The following SUZ12 variants were observed in gnomAD, a reference collection of about 807,000 sequenced individuals.
The protein encoded by SUZ12 is polycomb protein SUZ12.
A neutral mutation model predicts 87.3 loss-of-function variants in SUZ12; 17 were observed. The observed-to-expected ratio is 0.19, with a 90% confidence interval of 0.13 to 0.29. SUZ12 has a LOEUF of 0.29. Among genes scored for constraint, SUZ12 ranks in the 10% least tolerant of loss-of-function variants. The probability of loss-of-function intolerance (pLI) is 1.00; values close to 1 mark genes in which losing one functional copy is unlikely to be tolerated. For missense variants in SUZ12, 526 were observed against 912.2 expected, an observed-to-expected ratio of 0.58 and a Z score of 5.45; for synonymous variants, 253 against 312.4, an observed-to-expected ratio of 0.81 and a Z score of 2.01.
At chr17:31,979,462 A>G (rs1908968824) in intron 8 of SUZ12, among the ~76,000 whole-genome samples, 1 of 152,148 alleles carries the variant, frequency 6.6e-6, no homozygotes, top group South Asian at 2.1e-4. Flanking sequence ...GCTAGATGTC[A>G]TAGTTCTTCA....
chr17:31,984,824 G>T (rs141881902), intron 9 of SUZ12, among the ~76,000 whole-genome samples: 1 of 152,192 alleles, frequency 6.6e-6, no homozygotes, highest in African/African-American at 2.4e-5. Context: ...TTTTAGGGAC[G>T]TGAGGACACA....
intron 9 of SUZ12, among the ~76,000 whole-genome samples, chr17:31,986,073 A>G (rs1598182413): frequency 6.6e-6 from 1 of 152,118 alleles, no homozygotes; most frequent in Middle Eastern, 3.4e-3. Context: ...GGTTCAAGCA[A>G]TTCTCTTGCC....
chr17:31,952,643 A>G (rs575254983), intron 4 of SUZ12, among the ~76,000 whole-genome samples: 2 of 151,678 alleles, frequency 1.3e-5, no homozygotes, highest in East Asian at 1.9e-4. Flanking sequence ...GCTTACTGCA[A>G]CCTCCTCTTC....
intron 6 of SUZ12, 45 bp downstream of exon 6, chr17:31,973,276 G>A (rs1239419568): frequency 1.5e-6 from 2 of 1,310,126 alleles, no homozygotes; most frequent in Non-Finnish European, 2.1e-6. Context: ...GGAATAATTT[G>A]CTTAATTGGA....
chr17:31,966,393 G>C, intron 5 of SUZ12, 197 bp downstream of exon 5: 1 of 548,888 alleles, frequency 1.8e-6, no homozygotes, highest in Non-Finnish European at 3.3e-6. Flanking sequence ...CAGAGTGAAG[G>C]CTGGAGTGCA....
intron 3 of SUZ12, among the ~76,000 whole-genome samples, chr17:31,944,771 C>T (rs1219862625): frequency 1.3e-5 from 2 of 152,026 alleles, no homozygotes; most frequent in African/African-American, 4.8e-5. Context: ...CTTAACCTTA[C>T]GTAATTATGA....
intron 6 of SUZ12, among the ~76,000 whole-genome samples, chr17:31,973,786 G>A (rs1234837583): frequency 2.6e-5 from 4 of 152,154 alleles, no homozygotes; most frequent in African/African-American, 7.2e-5. Flanking sequence ...TCAAGTCCTC[G>A]AGTGTTTCAA....
chr17:31,981,323 A>G (rs1598178496), intron 8 of SUZ12, among the ~76,000 whole-genome samples: 1 of 152,342 alleles, frequency 6.6e-6, no homozygotes, highest in Middle Eastern at 3.4e-3. Flanking sequence ...AAATAGATAC[A>G]TATGGTTCTT....
At chr17:31,993,766 C>G (rs957477182) in intron 11 of SUZ12, 99 bp from the exon 12 acceptor site, 7 of 1,226,522 alleles carry the variant, frequency 5.7e-6, no homozygotes, top group Non-Finnish European at 7.9e-6. Flanking sequence ...TTTGATTTTC[C>G]GCTTAAATTT....
At chr17:31,994,255 T>TAA in intron 12 of SUZ12, 1 of 455,484 alleles carries the variant, frequency 2.2e-6, no homozygotes, top group East Asian at 3.6e-5. Context: ...GAATTATAAT[T>TAA]AATGTTTGTG....
At chr17:31,966,724 A>G (rs1471276037) in intron 5 of SUZ12, 2 of 152,420 alleles carry the variant, frequency 1.3e-5, no homozygotes, top group African/African-American at 2.4e-5. Context: ...TTTTGAATTA[A>G]TGATACTGTA....
At position 31,937,331 on chromosome 17, in the gene SUZ12, G is replaced by C. The variant is rs1225019828; in HGVS notation, c.85G>C (p.Ala29Pro). The C allele has an allele frequency of 1.4e-6, 2 of 1,467,860 alleles. No individual in the cohort carries two copies. Among genetic ancestry groups the C allele is most frequent in the African/African-American group, 1.5e-5 (1 of 67,724 alleles). The allele number at this position is 1,467,860 out of a possible 1,614,324, so 90.9% of individuals were successfully genotyped here. ...CGGGGGAGGCGGCTTCGGGGGTTCG[G>C]CGGCGGTGGCGGCGGCGACGGCTTC... ...GSGGGGFGGSAAVAAATASGG... is the reference protein window; with the variant it reads ...GSGGGGFGGSPAVAAATASGG... Residue 29 changes from alanine (A) to proline (P), a missense_variant, in exon 1 of 16, where the codon GCG becomes CCG. This residue lies in a region of SUZ12 where 92 missense variants were observed against 109.9 expected (regional missense o/e 0.84). Transcript: ENST00000322652.
chr17:31,947,701 A>G lies in SUZ12; in HGVS notation c.455+16A>G. 1 of 1,603,110 alleles carries G rather than the reference A, an allele frequency of 6.2e-7. No homozygotes were observed. Among genetic ancestry groups the G allele is most frequent in the Non-Finnish European group, 8.5e-7 (1 of 1,174,106 alleles). ...AATCTCATAGGTAAGATAATCTATC[A>G]GTTTACATTAAGTGATATACTTTAG... On this transcript the variant is annotated intron_variant, in intron 4 of 15. Coordinates refer to ENST00000322652, the MANE Select transcript of SUZ12 (RefSeq NM_015355.4).
intron 14 of SUZ12, among the ~76,000 whole-genome samples, chr17:31,996,185 GGGT>G (rs1166501305): frequency 2.6e-5 from 4 of 152,206 alleles, no homozygotes; most frequent in African/African-American, 7.2e-5. Flanking sequence ...ACTCCAGCCT[GGGT>G]GACAGAGGGA....
chr17:31,957,320 A>G (rs1025745587), intron 4 of SUZ12, among the ~76,000 whole-genome samples: 4 of 150,906 alleles, frequency 2.7e-5, no homozygotes, highest in South Asian at 2.1e-4. Flanking sequence ...GCTCACTACA[A>G]CCTCCACCTC....
chr17:31,980,410 A>T (rs1909026238), intron 8 of SUZ12, among the ~76,000 whole-genome samples: 1 of 130,210 alleles, frequency 7.7e-6, no homozygotes, highest in African/African-American at 2.9e-5. Flanking sequence ...ATAGTAAGAT[A>T]TACCAGAATC....
At chr17:31,945,694 C>G (rs1906592679) in intron 3 of SUZ12, among the ~76,000 whole-genome samples, 1 of 151,996 alleles carries the variant, frequency 6.6e-6, no homozygotes. Context: ...TTGTTTTTTT[C>G]CTAAGGAAGG....
At chr17:31,991,344 C>T (rs1909710636) in intron 10 of SUZ12, among the ~76,000 whole-genome samples, 1 of 142,518 alleles carries the variant, frequency 7.0e-6, no homozygotes, top group Admixed American at 6.7e-5. Context: ...GACACCCTGT[C>T]GCTTATAAAA....
intron 4 of SUZ12, among the ~76,000 whole-genome samples, chr17:31,956,760 G>A (rs182235449): frequency 1.6e-3 from 247 of 151,654 alleles, no homozygotes; most frequent in African/African-American, 5.4e-3. Context: ...GTGTGTGTGT[G>A]TATATATATG....
Sources: allele counts gnomAD v4.1 joint callset (sites outside exome capture counted in the v4.1 genomes callset), GRCh38; gene constraint gnomAD v4.1.1; regional missense constraint gnomAD v4.1.1; transcripts MANE v1.5; gene names NCBI Gene and HGNC (gene_info 2026-07-23, HGNC 2026-07-21).